Variants in CCDC40 observed in about 807,000 individuals in gnomAD.
CCDC40 encodes coiled-coil domain 40 molecular ruler complex subunit.
In CCDC40, 104 loss-of-function variants were observed where a neutral mutation model predicts 124.5. The ratio of observed to expected loss-of-function variants is 0.84; its 90% confidence interval spans 0.71 to 0.98. The LOEUF (loss-of-function observed/expected upper bound fraction) is 0.98, where lower values mean the gene tolerates loss of function less well. CCDC40 is among the 50% of genes least tolerant of loss of function. The pLI, the probability that CCDC40 is intolerant of heterozygous loss-of-function variation, is 0.00. For missense variants in CCDC40, 1,463 were observed against 1,503.9 expected, an observed-to-expected ratio of 0.97 and a Z score of 0.45; for synonymous variants, 580 against 602.9, an observed-to-expected ratio of 0.96 and a Z score of 0.56.
intron 10 of CCDC40, among the ~76,000 whole-genome samples, chr17:80,074,233 G>C (rs910152680): frequency 6.6e-6 from 1 of 152,144 alleles, no homozygotes; most frequent in East Asian, 1.9e-4. Context: ...CCTTCCGGCC[G>C]GGCGCGGTGG....
chr17:80,097,525 T>C, intron 19 of CCDC40, 122 bp downstream of exon 19: 2 of 996,940 alleles, frequency 2.0e-6, no homozygotes, highest in Non-Finnish European at 3.0e-6. Flanking sequence ...CCTCTCCTGA[T>C]CCCAGGCCAG....
At chr17:80,088,262 GTTTTGTTTTT>G (rs1455090187) in intron 16 of CCDC40, 160 bp downstream of exon 16, 3 of 704,354 alleles carry the variant, frequency 4.3e-6, no homozygotes, top group Non-Finnish European at 7.9e-6. Flanking sequence ...GTTTTGTTTT[GTTTTGTTTTT>G]AGACAGTCTT....
intron 10 of CCDC40, chr17:80,067,749 G>A (rs759326150): frequency 6.5e-5 from 98 of 1,503,216 alleles, no homozygotes; most frequent in African/African-American, 2.5e-4. Flanking sequence ...TGGGTCTAGC[G>A]GGTATTGCTA....
At chr17:80,064,956 C>T (rs1192051904) in intron 9 of CCDC40, among the ~76,000 whole-genome samples, 2 of 152,044 alleles carry the variant, frequency 1.3e-5, no homozygotes, top group South Asian at 2.1e-4. Flanking sequence ...GAATCAATGA[C>T]ACCACCAACC....
At position 80,087,413 on chromosome 17, in the gene CCDC40, C is replaced by G. The variant is rs61355956; in HGVS notation, c.2450-194C>G. 1 of 561,690 alleles carries G rather than the reference C, an allele frequency of 1.8e-6. No homozygotes were observed. The highest frequency in any genetic ancestry group is 3.2e-6 in the Non-Finnish European group (1 of 316,414). 34.8% of individuals were successfully genotyped at this position (561,690 alleles called of 1,614,324 possible). On this transcript the variant is annotated intron_variant, in intron 14 of 19. Coordinates refer to ENST00000397545, the MANE Select transcript of CCDC40 (RefSeq NM_017950.4). This position sits in a 1 kb window ranked among gnomAD's most constrained non-coding sequence, Gnocchi z 4.5. ...TGGGAGCTTAGCAGCCAAAAAGAGA[C>G]CCCCTGTCCTCTCCTCTCCTCTGTC...
rs2143735685 is a variant in CCDC40, at chr17:80,082,053, A to G, written c.1984A>G (p.Asn662Asp). 1 of 1,612,636 alleles carries G rather than the reference A, an allele frequency of 6.2e-7. No homozygotes were observed. The highest frequency in any genetic ancestry group is 2.2e-5 in the East Asian group (1 of 44,622). Residue 662 changes from asparagine to aspartate, a missense_variant, in exon 12 of 20, where the codon AAC (asparagine) becomes GAC (aspartate). Physicochemically the swap from Asn to Asp is conservative, Grantham distance 23. Transcript: ENST00000397545. ...LILRLQKEKTNMMTHLSKING... is the reference protein window; with the variant it reads ...LILRLQKEKTDMMTHLSKING... ...CCTGAGGCTGCAGAAGGAGAAGACC[A>G]ACATGGTAGGCCCCTGCCCCAGGGA...
rs3752040 is a variant in CCDC40 at position 80,036,911 on chromosome 17, C to T, written c.29+220C>T. 0.069 allele frequency among the ~76,000 whole-genome samples: 10,525 copies of T among 152,126 alleles called. 452 individuals carry two copies. Among genetic ancestry groups the T allele is most frequent in the East Asian group, 0.16 (844 of 5,148 alleles). ...ACCCTTCTCACTTCTCCCCTCCTGT[C>T]CCTTTGTCCTCTCTCGGCCTCCCTC... On this transcript the variant is annotated intron_variant, in intron 1 of 19. Transcript: ENST00000397545.
At position 80,058,805 on chromosome 17, in the gene CCDC40, G is replaced by A; in HGVS notation, c.1318-53G>A. On this transcript the variant is annotated intron_variant, in intron 8 of 19. Transcript: ENST00000397545. This position sits in a 1 kb window ranked among gnomAD's most constrained non-coding sequence, Gnocchi z 4.2. The stretch of plus-strand genomic sequence containing the variant: ...TGTATCAAGGGTTGGTGGAGAACAG[G>A]CCCTCAGCCACGGGCACCTCCTGAC... 6.2e-7 allele frequency: 1 copy of A among 1,613,496 alleles called. No homozygotes were observed. The highest frequency in any genetic ancestry group is 8.5e-7 in the Non-Finnish European group (1 of 1,179,816).
chr17:80,074,770 C>G lies in CCDC40; in HGVS notation c.1563-6776C>G, dbSNP rs942501430. 2.6e-5 allele frequency among the ~76,000 whole-genome samples: 4 copies of G among 152,258 alleles called. 1 individual carries two copies. The highest frequency in any genetic ancestry group is 2.6e-4 in the Admixed American group (4 of 15,282). ...GAGTAATTTCAACTTTCAAGTCTTA[C>G]TATTGCAGTAATACAGTCTGTAAAG... On this transcript the variant is annotated intron_variant, in intron 10 of 19. Transcript: ENST00000397545.
intron 9 of CCDC40, 66 bp from the exon 10 acceptor site, chr17:80,065,419 G>A (rs2038016761): frequency 1.4e-5 from 22 of 1,607,058 alleles, no homozygotes; most frequent in Non-Finnish European, 1.7e-5. Context: ...AGGCTCTGGT[G>A]TTCTTGGGCT....
intron 10 of CCDC40, among the ~76,000 whole-genome samples, chr17:80,069,809 A>T (rs2038146168): frequency 6.8e-6 from 1 of 147,548 alleles, no homozygotes; most frequent in Non-Finnish European, 1.5e-5. Context: ...AGAGAGAGAG[A>T]AAAAAAGAAA....
rs61355956 is a variant in CCDC40, at chr17:80,087,413, C to A, written c.2450-194C>A. The A allele has an allele frequency of 1.2e-5, 7 of 561,600 alleles. No individual in the cohort carries two copies. The highest frequency in any genetic ancestry group is 5.7e-5 in the Admixed American group (2 of 35,124). 34.8% of individuals were successfully genotyped at this position (561,600 alleles called of 1,614,324 possible). A position where few individuals can be genotyped will look rare whatever the true frequency, so the allele number is the denominator to read the frequency against. The stretch of plus-strand genomic sequence containing the variant: ...TGGGAGCTTAGCAGCCAAAAAGAGA[C>A]CCCCTGTCCTCTCCTCTCCTCTGTC... On this transcript the variant is annotated intron_variant, in intron 14 of 19. Transcript: ENST00000397545. This position sits in a 1 kb window ranked among gnomAD's most constrained non-coding sequence, Gnocchi z 4.5.
At chr17:80,072,498 C>T (rs1004930273) in intron 10 of CCDC40, among the ~76,000 whole-genome samples, 9 of 152,096 alleles carry the variant, frequency 5.9e-5, no homozygotes, top group African/African-American at 2.2e-4. Flanking sequence ...CAAATTTAGA[C>T]ATTTATAAGG....
chr17:80,060,541 A>G (rs1376503466), intron 9 of CCDC40, among the ~76,000 whole-genome samples: 1 of 152,148 alleles, frequency 6.6e-6, no homozygotes, highest in Non-Finnish European at 1.5e-5. Context: ...AATTGATTTT[A>G]AAGTTCACTT....
chr17:80,061,601 A>G (rs775298736), intron 9 of CCDC40, among the ~76,000 whole-genome samples: 1 of 152,034 alleles, frequency 6.6e-6, no homozygotes, highest in Non-Finnish European at 1.5e-5. Flanking sequence ...CCTCGATGCA[A>G]CTTCCCCAGG....
At chr17:80,043,605 C>CTTTTT in intron 3 of CCDC40, among the ~76,000 whole-genome samples, 1 of 121,378 alleles carries the variant, frequency 8.2e-6, no homozygotes, top group South Asian at 2.6e-4. Context: ...TCTCCTCTTC[C>CTTTTT]TTTTTTTTTT....
chr17:80,090,741 G>T, intron 17 of CCDC40: 1 of 1,393,206 alleles, frequency 7.2e-7, no homozygotes, highest in Non-Finnish European at 9.3e-7. Context: ...TGGTCATCAA[G>T]CTAAAGGTTC....
Position 80,087,414 on chromosome 17 carries a change from CCCCTG to C in CCDC40, c.2450-192_2450-188del. 1.8e-6 allele frequency: 1 copy of C among 563,382 alleles called. No individual in the cohort carries two copies. Among genetic ancestry groups the C allele is most frequent in the Non-Finnish European group, 3.2e-6 (1 of 316,800 alleles). The allele number at this position is 563,382 out of a possible 1,614,324, so 34.9% of individuals were successfully genotyped here. A position where few individuals can be genotyped will look rare whatever the true frequency, so the allele number is the denominator to read the frequency against. On this transcript the variant is annotated intron_variant, in intron 14 of 19. Coordinates refer to ENST00000397545, the MANE Select transcript of CCDC40 (RefSeq NM_017950.4). The surrounding 1 kb of genome is among the most constrained non-coding windows in gnomAD (Gnocchi z 4.5). ...GGGAGCTTAGCAGCCAAAAAGAGAC[CCCCTG>C]TCCTCTCCTCTCCTCTGTCCTGGCA...
At chr17:80,074,951 C>G (rs1465643004) in intron 10 of CCDC40, among the ~76,000 whole-genome samples, 2 of 152,008 alleles carry the variant, frequency 1.3e-5, no homozygotes, top group Non-Finnish European at 2.9e-5. Context: ...GAGGTGGAGT[C>G]TTGCTCTGTT....
Sources: gnomAD v4.1 joint callset for allele counts (sites outside exome capture counted in the v4.1 genomes callset) on GRCh38, gnomAD v4.1.1 for gene constraint, Gnocchi (gnomAD v3.1) non-coding constraint, MANE v1.5 for transcripts, NCBI Gene and HGNC (gene_info 2026-07-23, HGNC 2026-07-21) for gene names.